The following ELOVL7 variants were observed in gnomAD, a reference collection of about 807,000 sequenced individuals.
The protein encoded by ELOVL7 is ELOVL fatty acid elongase 7.
Under a neutral mutation model 35.7 loss-of-function variants are expected in ELOVL7, and 27 were observed. The observed-to-expected ratio is 0.76, with a 90% CI of 0.56 to 1.04. ELOVL7 has a LOEUF of 1.04. ELOVL7 is among the 50% of genes least tolerant of loss of function. The probability of loss-of-function intolerance (pLI) is 0.00; values close to 1 mark genes in which losing one functional copy is unlikely to be tolerated. For missense variants in ELOVL7, 327 were observed against 340.8 expected (o/e 0.96, Z 0.32); for synonymous variants, 113 against 114.6 (o/e 0.99, Z 0.09).
rs544848655 is a variant in ELOVL7, at chr5:60,761,550, T to C, written c.499+2677A>G. On this transcript the variant is annotated intron_variant, in intron 7 of 8. Transcript: ENST00000508821. Reference sequence around the variant, plus strand: ...TGCTGAATAAACCTCTATTATTTACTCTATCAAAGTAACTCTTTTATCAGA... The same window carrying C: ...TGCTGAATAAACCTCTATTATTTACCCTATCAAAGTAACTCTTTTATCAGA... Among the ~76,000 whole-genome samples, 4 of 152,280 alleles carry C rather than the reference T, an allele frequency of 2.6e-5. No homozygotes were observed. The East Asian group carries it at 7.7e-4, about 29-fold the overall frequency.
At chr5:60,825,409 A>G (rs905708353) in intron 1 of ELOVL7, among the ~76,000 whole-genome samples, 7 of 152,164 alleles carry the variant, frequency 4.6e-5, no homozygotes, top group Non-Finnish European at 7.4e-5. Flanking sequence ...ATTTTTCTGC[A>G]TCGTACTTTT....
chr5:60,832,269 C>A (rs769361461), intron 1 of ELOVL7, among the ~76,000 whole-genome samples: 45 of 152,180 alleles, frequency 3.0e-4, no homozygotes, highest in Admixed American at 4.6e-4. Flanking sequence ...AATTAAGCAG[C>A]AACATATATT....
At chr5:60,796,486 G>A (rs559829547) in intron 2 of ELOVL7, among the ~76,000 whole-genome samples, 106 of 152,272 alleles carry the variant, frequency 7.0e-4, no homozygotes, top group Admixed American at 2.0e-3. Context: ...GGAACAAGTC[G>A]TCCCCAGTTG....
At chr5:60,761,173 T>A (rs1563907) in intron 7 of ELOVL7, among the ~76,000 whole-genome samples, 41,686 of 152,052 alleles carry the variant, frequency 0.27, 9,508 homozygotes, top group African/African-American at 0.63. Flanking sequence ...CAGAATGAAT[T>A]ACGATTAGTA....
chr5:60,843,113 G>A (rs1747275263), intron 1 of ELOVL7, among the ~76,000 whole-genome samples: 1 of 152,162 alleles, frequency 6.6e-6, no homozygotes, highest in Non-Finnish European at 1.5e-5. Flanking sequence ...GAGAGCACAG[G>A]GTTAAGTGAA....
chr5:60,782,639 T>C (rs1743327098), intron 3 of ELOVL7, among the ~76,000 whole-genome samples: 2 of 152,214 alleles, frequency 1.3e-5, no homozygotes, highest in South Asian at 4.1e-4. Flanking sequence ...AAGAAAATCC[T>C]ATCATTTGTG....
intron 1 of ELOVL7, among the ~76,000 whole-genome samples, chr5:60,822,532 T>C (rs1202371728): frequency 6.6e-6 from 1 of 152,112 alleles, no homozygotes; most frequent in Non-Finnish European, 1.5e-5. Context: ...GATAGTTTGG[T>C]AAAGTAAATC....
intron 3 of ELOVL7, among the ~76,000 whole-genome samples, chr5:60,774,219 T>C (rs1429891960): frequency 6.6e-6 from 1 of 152,050 alleles, no homozygotes; most frequent in Admixed American, 6.6e-5. Context: ...TACAGGCCAA[T>C]ATCTCTCATG....
At chr5:60,811,680 C>T (rs1745244040) in intron 1 of ELOVL7, among the ~76,000 whole-genome samples, 1 of 152,092 alleles carries the variant, frequency 6.6e-6, no homozygotes, top group South Asian at 2.1e-4. Context: ...CTAGCCAACT[C>T]TCATGAGCCC....
At chr5:60,815,119 C>T (rs1745446236) in intron 1 of ELOVL7, among the ~76,000 whole-genome samples, 1 of 152,198 alleles carries the variant, frequency 6.6e-6, no homozygotes, top group African/African-American at 2.4e-5. Flanking sequence ...GAAATCAATA[C>T]TACTATTATA....
intron 2 of ELOVL7, among the ~76,000 whole-genome samples, chr5:60,788,484 T>C (rs1021910035): frequency 1.3e-5 from 2 of 152,090 alleles, no homozygotes; most frequent in African/African-American, 4.8e-5. Flanking sequence ...ACCATGATTT[T>C]TAAAAATTGG....
At chr5:60,754,981 A>T (rs938282631) in intron 8 of ELOVL7, 148 bp from the exon 9 acceptor site, 6 of 677,542 alleles carry the variant, frequency 8.9e-6, no homozygotes, top group Non-Finnish European at 1.2e-5. Flanking sequence ...TGAGAGTGAT[A>T]ATGGGTGGTA....
At chr5:60,757,207 T>G (rs1408253541) in intron 8 of ELOVL7, among the ~76,000 whole-genome samples, 1 of 152,122 alleles carries the variant, frequency 6.6e-6, no homozygotes, top group Non-Finnish European at 1.5e-5. Context: ...CTAATAGGTA[T>G]TATGCCTATT....
At chr5:60,786,816 C>T (rs1354379544) in intron 3 of ELOVL7, among the ~76,000 whole-genome samples, 1 of 151,910 alleles carries the variant, frequency 6.6e-6, no homozygotes, top group East Asian at 1.9e-4. Flanking sequence ...GTGGTGGGTG[C>T]CTGTAGTCCC....
At chr5:60,785,594 T>C (rs1335517317) in intron 3 of ELOVL7, among the ~76,000 whole-genome samples, 3 of 152,328 alleles carry the variant, frequency 2.0e-5, no homozygotes, top group East Asian at 1.9e-4. Context: ...TGAGAGTTCA[T>C]GTAGCAAGGC....
intron 3 of ELOVL7, among the ~76,000 whole-genome samples, chr5:60,772,325 G>A (rs111374038): frequency 2.7e-4 from 41 of 152,146 alleles, no homozygotes; most frequent in African/African-American, 9.9e-4. Context: ...CCTGCATGAT[G>A]GTATTAGTGC....
At chr5:60,832,352 G>T (rs1746526886) in intron 1 of ELOVL7, among the ~76,000 whole-genome samples, 1 of 152,150 alleles carries the variant, frequency 6.6e-6, no homozygotes, top group African/African-American at 2.4e-5. Flanking sequence ...TAAAACCTAA[G>T]GATTGGGGAT....
rs988166069 is a variant in ELOVL7, at chr5:60,795,083, G to C, written c.-35+4097C>G. On this transcript the variant is annotated intron_variant, in intron 2 of 8. Coordinates refer to ENST00000508821, the MANE Select transcript of ELOVL7 (RefSeq NM_024930.3). ...TCAGAACATGCCTTCAAATGCAGAA[G>C]CTGTTGAGCAAAAGCAGTGTGGAGA... Among the ~76,000 whole-genome samples the C allele has an allele frequency of 2.0e-5, 3 of 152,188 alleles. 1 individual carries two copies. The highest frequency in any genetic ancestry group is 7.2e-5 in the African/African-American group (3 of 41,442).
At position 60,764,251 on chromosome 5, in the gene ELOVL7, A is replaced by C; in HGVS notation, c.475T>G (p.Trp159Gly). ...CCTGCAGCAAATTTGACTCCAAACC[A>C]CCAGGTCCACGGCATGATGGTATGA... ...FHHTIMPWTW[W>G]FGVKFAAGGL... The change falls in exon 7 of 9, where the codon TGG becomes GGG. Residue 159 changes from tryptophan (W) to glycine (G), a missense_variant. Trp to Gly is a radical substitution (Grantham distance 184). Transcript: ENST00000508821. The C allele has an allele frequency of 6.2e-7, 1 of 1,613,638 alleles. No individual in the cohort carries two copies. Among genetic ancestry groups the C allele is most frequent in the Non-Finnish European group, 8.5e-7 (1 of 1,179,714 alleles).
Sources: allele counts gnomAD v4.1 joint callset (sites outside exome capture counted in the v4.1 genomes callset), GRCh38; gene constraint gnomAD v4.1.1; transcripts MANE v1.5; gene names NCBI Gene and HGNC (gene_info 2026-07-23, HGNC 2026-07-21).